The following UBL3 variants were observed in gnomAD, a reference collection of about 807,000 sequenced individuals.
UBL3 encodes the protein ubiquitin-like protein 3.
UBL3 carries 6 observed loss-of-function variants against 18.4 expected under a neutral mutation model. That is an observed-to-expected ratio of 0.33 (90% CI 0.18 to 0.64). The LOEUF (loss-of-function observed/expected upper bound fraction) is 0.64, where lower values mean the gene tolerates loss of function less well. Among genes scored for constraint, UBL3 ranks in the 30% least tolerant of loss-of-function variants. The probability of loss-of-function intolerance (pLI) is 0.76; values close to 1 mark genes in which losing one functional copy is unlikely to be tolerated. For missense variants in UBL3, 109 were observed against 142.9 expected, an observed-to-expected ratio of 0.76 and a Z score of 1.21; for synonymous variants, 49 against 46.6, an observed-to-expected ratio of 1.05 and a Z score of -0.21.
intron 1 of UBL3, among the ~76,000 whole-genome samples, chr13:29,794,566 T>C (rs572346590): frequency 6.6e-6 from 1 of 152,356 alleles, no homozygotes; most frequent in African/African-American, 2.4e-5. Context: ...ACTATTTTTA[T>C]AGAGCTACGC....
Position 29,800,442 on chromosome 13 carries a change from G to C in UBL3, c.28-23179C>G, listed in dbSNP as rs113392982. The stretch of plus-strand genomic sequence containing the variant: ...AGTCATTTGGCAATTAATATCATAA[G>C]CTGTAAAAAATATTCCCTCTTTTTA... On this transcript the variant is annotated intron_variant, in intron 1 of 4. Coordinates refer to ENST00000380680, the MANE Select transcript of UBL3 (RefSeq NM_007106.4). Among the ~76,000 whole-genome samples the C allele has an allele frequency of 5.3e-3, 812 of 152,222 alleles. 8 individuals carry two copies. Among genetic ancestry groups the C allele is most frequent in the African/African-American group, 0.019 (774 of 41,534 alleles).
intron 1 of UBL3, among the ~76,000 whole-genome samples, chr13:29,830,114 A>C (rs1056141556): frequency 1.6e-4 from 24 of 152,200 alleles, no homozygotes; most frequent in African/African-American, 5.5e-4. Flanking sequence ...TGGGGAACAA[A>C]AAAAGGGTTT....
At chr13:29,810,326 G>A (rs1878022292) in intron 1 of UBL3, among the ~76,000 whole-genome samples, 1 of 152,036 alleles carries the variant, frequency 6.6e-6, no homozygotes, top group African/African-American at 2.4e-5. Flanking sequence ...ATTTAGCCTG[G>A]GAACTGATCC....
intron 1 of UBL3, among the ~76,000 whole-genome samples, chr13:29,820,362 G>A (rs1393979341): frequency 6.6e-6 from 1 of 152,012 alleles, no homozygotes; most frequent in African/African-American, 2.4e-5. Context: ...TTTTTGTAGA[G>A]ATGGGGTTTC....
intron 1 of UBL3, among the ~76,000 whole-genome samples, chr13:29,842,800 T>A (rs1341245936): frequency 1.3e-5 from 2 of 152,006 alleles, no homozygotes; most frequent in Non-Finnish European, 2.9e-5. Context: ...CTGCAAAACA[T>A]AACTAACAGC....
At chr13:29,827,131 C>T (rs145323281) in intron 1 of UBL3, among the ~76,000 whole-genome samples, 2,169 of 152,142 alleles carry the variant, frequency 0.014, 45 homozygotes, top group African/African-American at 0.049. Context: ...GGAATAAGTG[C>T]GATGTGGTGC....
At chr13:29,813,662 G>A (rs181292021) in intron 1 of UBL3, among the ~76,000 whole-genome samples, 2 of 152,176 alleles carry the variant, frequency 1.3e-5, no homozygotes, top group East Asian at 1.9e-4. Context: ...AGGAAAGGAC[G>A]TGCATAGGTT....
At chr13:29,777,563 C>T in intron 1 of UBL3, 1 of 451,810 alleles carries the variant, frequency 2.2e-6, no homozygotes, top group Non-Finnish European at 4.3e-6. Flanking sequence ...CAGAATTGAA[C>T]TTTTGCAAGT....
chr13:29,793,407 G>A (rs1443056198), intron 1 of UBL3, among the ~76,000 whole-genome samples: 6 of 152,078 alleles, frequency 3.9e-5, no homozygotes, highest in African/African-American at 1.4e-4. Flanking sequence ...TGCAAATTTA[G>A]AAACAGGCTC....
intron 1 of UBL3, among the ~76,000 whole-genome samples, chr13:29,833,271 G>T (rs188947666): frequency 1.3e-5 from 2 of 152,196 alleles, no homozygotes; most frequent in African/African-American, 4.8e-5. Flanking sequence ...ATAAAAAGAC[G>T]TCTGGATGGA....
chr13:29,782,961 T>C (rs915074159), intron 1 of UBL3, among the ~76,000 whole-genome samples: 6 of 152,220 alleles, frequency 3.9e-5, no homozygotes, highest in Admixed American at 6.5e-5. Context: ...TAGTAGTAGG[T>C]GCTCAGCCAG....
intron 1 of UBL3, among the ~76,000 whole-genome samples, chr13:29,808,974 C>T (rs534221329): frequency 6.6e-6 from 1 of 152,168 alleles, no homozygotes; most frequent in Admixed American, 6.5e-5. Context: ...TATGATCATG[C>T]TCAATAGAAT....
rs576588232 is a variant in UBL3 at position 29,770,393 on chromosome 13, T to C, written c.223+1719A>G. ...ACACAGAATTACAATAATAATTACA[T>C]AAGTCAATCTGTTCATTATTCTAAA... On this transcript the variant is annotated intron_variant, in intron 3 of 4. Coordinates refer to ENST00000380680, the MANE Select transcript of UBL3 (RefSeq NM_007106.4). Among the ~76,000 whole-genome samples, 6 of 152,180 alleles carry C rather than the reference T, an allele frequency of 3.9e-5. No homozygotes were observed. The South Asian group carries it at 1.0e-3, about 26-fold the overall frequency.
At chr13:29,786,609 G>A (rs1657023031) in intron 1 of UBL3, among the ~76,000 whole-genome samples, 1 of 152,218 alleles carries the variant, frequency 6.6e-6, no homozygotes, top group Admixed American at 6.5e-5. Context: ...AGCCATCTGT[G>A]AAAACAGATT....
intron 1 of UBL3, among the ~76,000 whole-genome samples, chr13:29,831,974 A>G (rs918119383): frequency 2.6e-5 from 4 of 152,218 alleles, no homozygotes; most frequent in Admixed American, 6.5e-5. Context: ...CTCAAACACT[A>G]GCCATGAAGA....
At chr13:29,793,676 G>A (rs536787804) in intron 1 of UBL3, among the ~76,000 whole-genome samples, 4 of 152,186 alleles carry the variant, frequency 2.6e-5, no homozygotes, top group Admixed American at 6.5e-5. Context: ...TCAAGAATAT[G>A]TGAGGGATGC....
Position 29,849,885 on chromosome 13 carries a change from G to T in UBL3, c.-347C>A. 2.3e-6 allele frequency: 1 copy of T among 441,408 alleles called. No individual in the cohort carries two copies. The highest frequency in any genetic ancestry group is 2.3e-5 in the South Asian group (1 of 42,776). The allele number at this position is 441,408 out of a possible 1,614,324, so 27.3% of individuals were successfully genotyped here. ...ACGGACATGGAGAGGGGTGGGAGGG[G>T]GTTAAATGCGCCTTCCTCCTTTCCC... On this transcript the variant is annotated 5_prime_UTR_variant, in exon 1 of 5. Transcript: ENST00000380680.
At chr13:29,783,967 G>T (rs1223662935) in intron 1 of UBL3, among the ~76,000 whole-genome samples, 1 of 152,076 alleles carries the variant, frequency 6.6e-6, no homozygotes, top group African/African-American at 2.4e-5. Context: ...TCATTCAAAT[G>T]AATTATATAT....
At chr13:29,839,360 CAAGGG>C (rs932601593) in intron 1 of UBL3, among the ~76,000 whole-genome samples, 4 of 152,060 alleles carry the variant, frequency 2.6e-5, no homozygotes, top group Non-Finnish European at 4.4e-5. Flanking sequence ...GCTGAGAGCA[CAAGGG>C]AAGTTTTAAA....
Sources: gnomAD v4.1 joint callset for allele counts (sites outside exome capture counted in the v4.1 genomes callset) on GRCh38, gnomAD v4.1.1 for gene constraint, MANE v1.5 for transcripts, NCBI Gene and HGNC (gene_info 2026-07-23, HGNC 2026-07-21) for gene names.